Variants in KHDRBS2 observed in about 807,000 individuals in gnomAD.
KHDRBS2 encodes the protein KH domain-containing, RNA-binding, signal transduction-associated protein 2.
A neutral mutation model predicts 44.3 loss-of-function variants in KHDRBS2; 26 were observed. The observed-to-expected ratio is 0.59, with a 90% CI of 0.43 to 0.81. The LOEUF (loss-of-function observed/expected upper bound fraction) is 0.81. Among genes scored for constraint, KHDRBS2 ranks in the 40% least tolerant of loss-of-function variants. The probability of loss-of-function intolerance (pLI) is 0.00; values close to 1 mark genes in which losing one functional copy is unlikely to be tolerated. For missense variants in KHDRBS2, 476 were observed against 433.1 expected (o/e 1.10, Z -0.88); for synonymous variants, 194 against 151.1 (o/e 1.28, Z -2.08).
At chr6:62,089,973 G>A (rs898854834) in intron 2 of KHDRBS2, among the ~76,000 whole-genome samples, 13 of 152,076 alleles carry the variant, frequency 8.5e-5, no homozygotes, top group Non-Finnish European at 1.5e-4. Context: ...TCTGCATGTT[G>A]ACTGGGGCGT....
intron 2 of KHDRBS2, among the ~76,000 whole-genome samples, chr6:62,130,949 G>A (rs1468818215): frequency 6.6e-5 from 10 of 151,946 alleles, no homozygotes; most frequent in East Asian, 1.9e-4. Flanking sequence ...AAAATTATAA[G>A]TCAAACCATT....
chr6:62,175,164 C>A (rs200500254), intron 2 of KHDRBS2, among the ~76,000 whole-genome samples: 2 of 151,572 alleles, frequency 1.3e-5, no homozygotes, highest in East Asian at 1.9e-4. Flanking sequence ...GAGTATAAAT[C>A]TGCTTCTCAG....
chr6:61,627,005 G>A, the KHDRBS2 span, among the ~76,000 whole-genome samples: 1 of 152,070 alleles, frequency 6.6e-6, no homozygotes, highest in East Asian at 1.9e-4. Context: ...TGTAATCCCA[G>A]CACTTTGGGA....
At chr6:61,592,781 A>G in the KHDRBS2 span, among the ~76,000 whole-genome samples, 1 of 152,146 alleles carries the variant, frequency 6.6e-6, no homozygotes, top group Non-Finnish European at 1.5e-5. Context: ...AGATTGTGAG[A>G]TAAGAGATTG....
At chr6:61,975,643 T>TA (rs1248644730) in intron 4 of KHDRBS2, among the ~76,000 whole-genome samples, 1 of 115,000 alleles carries the variant, frequency 8.7e-6, no homozygotes, top group African/African-American at 3.5e-5. Context: ...AAATCAAAGA[T>TA]AAGCAAGATG....
intron 4 of KHDRBS2, among the ~76,000 whole-genome samples, chr6:61,973,139 G>T (rs1238170709): frequency 6.6e-6 from 1 of 151,922 alleles, no homozygotes; most frequent in African/African-American, 2.4e-5. Flanking sequence ...GTCTCAAAAA[G>T]AAAAATAAAA....
At chr6:62,176,053 C>T (rs2150122417) in intron 2 of KHDRBS2, among the ~76,000 whole-genome samples, 1 of 151,464 alleles carries the variant, frequency 6.6e-6, no homozygotes, top group South Asian at 2.1e-4. Context: ...AAGACTGTAA[C>T]TGGTTAATTG....
At chr6:61,548,632 T>G in the KHDRBS2 span, among the ~76,000 whole-genome samples, 4 of 152,228 alleles carry the variant, frequency 2.6e-5, no homozygotes, top group Admixed American at 2.6e-4. Flanking sequence ...AAATAATATT[T>G]GATTCATTTT....
intron 1 of KHDRBS2, among the ~76,000 whole-genome samples, chr6:62,213,903 A>G (rs1393099683): frequency 7.3e-6 from 1 of 137,902 alleles, no homozygotes; most frequent in African/African-American, 2.7e-5. Context: ...AAAAAAAAAA[A>G]GAATGAAGTA....
chr6:62,051,606 C>T (rs1330444025), intron 2 of KHDRBS2, among the ~76,000 whole-genome samples: 3 of 151,838 alleles, frequency 2.0e-5, no homozygotes, highest in Admixed American at 6.6e-5. Context: ...ATACCAAAAG[C>T]TCAAGCCACA....
chr6:61,831,527 G>A (rs567287238), intron 6 of KHDRBS2, among the ~76,000 whole-genome samples: 20 of 151,984 alleles, frequency 1.3e-4, no homozygotes, highest in African/African-American at 4.8e-4. Context: ...TATTCATAAC[G>A]TTATTTTCCT....
At chr6:61,782,684 G>GTT (rs1233421835) in intron 6 of KHDRBS2, among the ~76,000 whole-genome samples, 1 of 69,636 alleles carries the variant, frequency 1.4e-5, no homozygotes, top group Non-Finnish European at 3.0e-5. Flanking sequence ...GTGTATAAAG[G>GTT]TTGTGTATAT....
chr6:61,919,071 G>A (rs1012793388), intron 4 of KHDRBS2, among the ~76,000 whole-genome samples: 2 of 151,772 alleles, frequency 1.3e-5, no homozygotes, highest in Non-Finnish European at 2.9e-5. Context: ...ACTATATGGC[G>A]AGCTTCTAGG....
the KHDRBS2 span, among the ~76,000 whole-genome samples, chr6:61,550,920 A>T: frequency 1.3e-5 from 2 of 151,772 alleles, no homozygotes; most frequent in Non-Finnish European, 1.5e-5. Context: ...TACAAGGCAC[A>T]TGCCACCACG....
At position 61,994,835 on chromosome 6, in the gene KHDRBS2, G is replaced by A. The variant is rs941996715; in HGVS notation, c.337-16623C>T. 5.3e-5 allele frequency among the ~76,000 whole-genome samples: 8 copies of A among 152,230 alleles called. No individual in the cohort carries two copies. In the East Asian group the frequency reaches 1.5e-3, roughly 29 times the overall value. ...TGGACAGAGTGCGTGTGGGGTCTTC[G>A]TGGTGAGTAATGAGAAGGTGCTCAC... On this transcript the variant is annotated intron_variant, in intron 3 of 8. Transcript: ENST00000281156.
the KHDRBS2 span, among the ~76,000 whole-genome samples, chr6:61,645,625 G>A: frequency 1.3e-5 from 2 of 152,000 alleles, no homozygotes; most frequent in African/African-American, 4.8e-5. Flanking sequence ...TTCCTTGAAT[G>A]TTATCCCCAA....
At chr6:61,618,853 T>A in the KHDRBS2 span, among the ~76,000 whole-genome samples, 54 of 152,324 alleles carry the variant, frequency 3.5e-4, no homozygotes, top group African/African-American at 1.2e-3. Flanking sequence ...TATCTATAGA[T>A]CCGATCTTAA....
the KHDRBS2 span, among the ~76,000 whole-genome samples, chr6:61,630,910 T>C: frequency 6.6e-6 from 1 of 152,152 alleles, no homozygotes. Flanking sequence ...TTGTATTCTG[T>C]GGTTTTTTAG....
At chr6:61,740,835 C>A (rs753173398) in intron 6 of KHDRBS2, among the ~76,000 whole-genome samples, 23 of 151,862 alleles carry the variant, frequency 1.5e-4, no homozygotes, top group Non-Finnish European at 3.1e-4. Context: ...TGGTTTCAGG[C>A]ACCTGGATAT....
Sources: allele counts gnomAD v4.1 joint callset (sites outside exome capture counted in the v4.1 genomes callset), GRCh38; gene constraint gnomAD v4.1.1; transcripts MANE v1.5; gene names NCBI Gene and HGNC (gene_info 2026-07-23, HGNC 2026-07-21).